FHIT: variants seen among roughly 807,000 people sequenced by gnomAD.
FHIT encodes the protein bis(5'-adenosyl)-triphosphatase.
In FHIT, 19 loss-of-function variants were observed where a neutral mutation model predicts 17.9. That is an observed-to-expected ratio of 1.06 (90% confidence interval 0.74 to 1.56). FHIT has a LOEUF of 1.56. Ranked by LOEUF, FHIT falls within the 40% of genes most tolerant of loss-of-function variation. FHIT has a pLI of 0.00. For missense variants in FHIT, 248 were observed against 189.2 expected (o/e 1.31, Z -1.82); for synonymous variants, 81 against 69.7 (o/e 1.16, Z -0.81).
chr3:61,230,706 AAAATTTAAAAAATAATAATTTTTT>A (rs1377108144), intron 1 of FHIT, among the ~76,000 whole-genome samples: 4 of 152,168 alleles, frequency 2.6e-5, no homozygotes, highest in Admixed American at 2.6e-4. Context: ...CAAAATGAGA[AAAATTTAAAAAATAATAATTTTTT>A]AAATGTCTTT....
At chr3:60,347,689 G>GT (rs752860176) in intron 5 of FHIT, among the ~76,000 whole-genome samples, 1,347 of 85,322 alleles carry the variant, frequency 0.016, 71 homozygotes, top group African/African-American at 0.027. Context: ...GGGGGGGGGG[G>GT]TTTGTTTTTT....
At chr3:59,913,484 A>G (rs954830910) in intron 8 of FHIT, among the ~76,000 whole-genome samples, 4 of 152,138 alleles carry the variant, frequency 2.6e-5, no homozygotes, top group African/African-American at 9.7e-5. Flanking sequence ...TTTAGTTTCA[A>G]TTCAATGGTA....
intron 3 of FHIT, among the ~76,000 whole-genome samples, chr3:61,025,899 G>A (rs2032706918): frequency 6.6e-6 from 1 of 152,092 alleles, no homozygotes; most frequent in Non-Finnish European, 1.5e-5. Flanking sequence ...CTAAATTCAG[G>A]AAATAACAAT....
At chr3:59,864,926 A>G (rs2106867902) in intron 8 of FHIT, among the ~76,000 whole-genome samples, 1 of 152,142 alleles carries the variant, frequency 6.6e-6, no homozygotes. Context: ...CTATACCATC[A>G]AGGCTGCCTC....
chr3:59,784,117 G>C (rs17061210), intron 8 of FHIT, among the ~76,000 whole-genome samples: 3,015 of 152,260 alleles, frequency 0.02, 101 homozygotes, highest in African/African-American at 0.067. Context: ...GCTCTTTCTA[G>C]GGTAAAGGTC....
intron 5 of FHIT, among the ~76,000 whole-genome samples, chr3:60,359,003 G>A (rs142127549): frequency 6.6e-6 from 1 of 152,240 alleles, no homozygotes; most frequent in Non-Finnish European, 1.5e-5. Context: ...CAAGCAACAG[G>A]ACATAAAACA....
chr3:59,967,794 G>A (rs1486277017), intron 7 of FHIT, among the ~76,000 whole-genome samples: 1 of 151,842 alleles, frequency 6.6e-6, no homozygotes, highest in Non-Finnish European at 1.5e-5. Context: ...GGGGAGGATG[G>A]AGAAGAAAAG....
At chr3:59,890,270 C>T (rs11924342) in intron 8 of FHIT, among the ~76,000 whole-genome samples, 6 of 151,908 alleles carry the variant, frequency 3.9e-5, no homozygotes, top group African/African-American at 9.7e-5. Context: ...ATTAGATCTG[C>T]GTTCTTGGTG....
At chr3:61,079,765 C>CA (rs1050687633) in intron 2 of FHIT, among the ~76,000 whole-genome samples, 4 of 152,046 alleles carry the variant, frequency 2.6e-5, no homozygotes, top group African/African-American at 4.8e-5. Context: ...AAAATAGAAC[C>CA]AAAAAAATGG....
chr3:60,229,116 C>A (rs553479365), intron 5 of FHIT, among the ~76,000 whole-genome samples: 1 of 152,190 alleles, frequency 6.6e-6, no homozygotes, highest in South Asian at 2.1e-4. Context: ...GGACAGTGCC[C>A]TCAAGAAAGT....
rs376160984 is a variant in FHIT, at chr3:60,239,581, T to C, written c.104-225429A>G. On this transcript the variant is annotated intron_variant, in intron 5 of 9. Transcript: ENST00000492590. ...CTCAAAAAGCAAACAAAAAACAGAA[T>C]CTTTTTGTTTTGGGCATGAAAAATA... 4.6e-5 allele frequency among the ~76,000 whole-genome samples: 7 copies of C among 152,112 alleles called. No individual in the cohort carries two copies. In the East Asian group the frequency reaches 9.7e-4, roughly 21 times the overall value.
At chr3:60,807,066 T>G (rs1553734522) in intron 4 of FHIT, among the ~76,000 whole-genome samples, 1 of 152,204 alleles carries the variant, frequency 6.6e-6, no homozygotes, top group Non-Finnish European at 1.5e-5. Flanking sequence ...TTGTTCTAAA[T>G]TATTAATCAG....
chr3:60,975,395 C>A (rs1312346964), intron 3 of FHIT, among the ~76,000 whole-genome samples: 1 of 152,178 alleles, frequency 6.6e-6, no homozygotes, highest in East Asian at 1.9e-4. Flanking sequence ...ATTTTCTCCT[C>A]TGAAAATATG....
chr3:61,228,633 G>A (rs1430116052), intron 1 of FHIT, among the ~76,000 whole-genome samples: 1 of 152,132 alleles, frequency 6.6e-6, no homozygotes, highest in East Asian at 1.9e-4. Context: ...GAAGGTAGGG[G>A]TGAAATTTTG....
chr3:59,951,047 G>C (rs1707090529), intron 7 of FHIT, among the ~76,000 whole-genome samples: 1 of 152,204 alleles, frequency 6.6e-6, no homozygotes, highest in Non-Finnish European at 1.5e-5. Context: ...GGCTTTAATA[G>C]ATACTAGTTC....
intron 3 of FHIT, among the ~76,000 whole-genome samples, chr3:60,827,500 ATGCTATTT>A (rs1256130377): frequency 6.6e-6 from 1 of 152,232 alleles, no homozygotes; most frequent in African/African-American, 2.4e-5. Flanking sequence ...CAATGTAAAT[ATGCTATTT>A]TGCGCCTTTG....
chr3:60,923,502 T>C (rs140617161), intron 3 of FHIT, among the ~76,000 whole-genome samples: 92 of 152,334 alleles, frequency 6.0e-4, no homozygotes, highest in African/African-American at 2.0e-3. Flanking sequence ...GTCCTCCTAA[T>C]TGATACCTTA....
chr3:61,022,080 A>G (rs1429544898), intron 3 of FHIT, among the ~76,000 whole-genome samples: 1 of 152,304 alleles, frequency 6.6e-6, no homozygotes, highest in East Asian at 1.9e-4. Context: ...AAAGATTAAC[A>G]AAATAGATAG....
At chr3:60,851,679 A>C (rs1703158889) in intron 3 of FHIT, among the ~76,000 whole-genome samples, 1 of 152,176 alleles carries the variant, frequency 6.6e-6, no homozygotes, top group Non-Finnish European at 1.5e-5. Flanking sequence ...AAAAGATGCC[A>C]GCCCCACAGA....
Sources: gnomAD v4.1 joint callset for allele counts (sites outside exome capture counted in the v4.1 genomes callset) on GRCh38, gnomAD v4.1.1 for gene constraint, MANE v1.5 for transcripts, NCBI Gene and HGNC (gene_info 2026-07-23, HGNC 2026-07-21) for gene names.